GON4L: variants seen among roughly 807,000 people sequenced by gnomAD.
GON4L encodes GON-4-like protein.
A neutral mutation model predicts 211.8 loss-of-function variants in GON4L; 87 were observed. The ratio of observed to expected loss-of-function variants is 0.41; its 90% CI spans 0.35 to 0.49. The LOEUF (loss-of-function observed/expected upper bound fraction) is 0.49. Ranked by LOEUF, GON4L falls within the 20% of genes least tolerant of loss-of-function variation. The probability of loss-of-function intolerance (pLI) is 0.15; values close to 1 mark genes in which losing one functional copy is unlikely to be tolerated. For missense variants in GON4L, 2,155 were observed against 2,659.5 expected, an observed-to-expected ratio of 0.81 and a Z score of 4.17; for synonymous variants, 875 against 962.6, an observed-to-expected ratio of 0.91 and a Z score of 1.68.
At chr1:155,772,785 C>A (rs1405148353) in intron 18 of GON4L, among the ~76,000 whole-genome samples, 1 of 151,940 alleles carries the variant, frequency 6.6e-6, no homozygotes, top group African/African-American at 2.4e-5. Flanking sequence ...TAAAAGCGAA[C>A]CTCCTGCCTT....
At chr1:155,858,352 T>A (rs1241434780), upstream of GON4L, among the ~76,000 whole-genome samples, 4 of 152,236 alleles carry the variant, frequency 2.6e-5, no homozygotes, top group Admixed American at 6.5e-5. Flanking sequence ...TTTATACATT[T>A]GAACTAATCC....
chr1:155,765,141 A>G lies in GON4L; in HGVS notation c.4332T>C (p.Thr1444=), dbSNP rs979710825. The G allele has an allele frequency of 3.1e-6, 5 of 1,614,118 alleles. No individual in the cohort carries two copies. The highest frequency in any genetic ancestry group is 4.2e-6 in the Non-Finnish European group (5 of 1,180,020). ...CTCCTCCAGTTTCTGGCCCAACTGG[A>G]GTCCCCACTGACTGACCATCAACAC... ...SSSVDGQSVG[T]PVGPETGGEK... The change falls in exon 21 of 32, where the codon ACT becomes ACC. Residue 1444 remains threonine, a synonymous_variant. Coordinates refer to ENST00000368331, the MANE Select transcript of GON4L (RefSeq NM_001282860.2).
Position 155,765,173 on chromosome 1 carries a change from A to T in GON4L, c.4300T>A (p.Ser1434Thr). 2 of 1,614,208 alleles carry T rather than the reference A, an allele frequency of 1.2e-6. No homozygotes were observed. Among genetic ancestry groups the T allele is most frequent in the Non-Finnish European group, 1.7e-6 (2 of 1,180,036 alleles). Residue 1434 changes from serine to threonine, a missense_variant, in exon 21 of 32, where the codon TCA becomes ACA. Ser to Thr is a moderately conservative substitution (Grantham distance 58). Around this residue, in one of 6 missense-constraint regions of GON4L, gnomAD observed 615 missense variants for 625.7 expected, o/e 0.98. Transcript: ENST00000368331. ...LSSPPGKPED[S>T]SSVDGQSVGT... ...ACTGACTGACCATCAACACTGGATG[A>T]ATCTTCTGGCTTCCCTGGGGGGCTA...
At chr1:155,814,569 A>T in intron 8 of GON4L, 120 bp from the exon 9 acceptor site, 2 of 1,056,668 alleles carry the variant, frequency 1.9e-6, no homozygotes, top group Non-Finnish European at 2.9e-6. Flanking sequence ...AACATGGTGA[A>T]CACCCGTCTC....
At chr1:155,831,411 C>T (rs1462730024) in intron 2 of GON4L, 1 of 151,934 alleles carries the variant, frequency 6.6e-6, no homozygotes, top group Non-Finnish European at 1.5e-5. Context: ...TATTGTGCTA[C>T]TGCACTCTAG....
chr1:155,827,824 G>A (rs749237158), intron 2 of GON4L, among the ~76,000 whole-genome samples: 39 of 151,784 alleles, frequency 2.6e-4, no homozygotes, highest in African/African-American at 6.1e-4. Flanking sequence ...GCAACATATC[G>A]AGGCTTTGTC....
intron 19 of GON4L, among the ~76,000 whole-genome samples, chr1:155,767,908 G>A (rs1387116004): frequency 6.6e-6 from 1 of 152,080 alleles, no homozygotes; most frequent in East Asian, 1.9e-4. Flanking sequence ...AGACAACATC[G>A]TAATCTATAC....
chr1:155,766,101 T>A lies in GON4L; in HGVS notation c.3372A>T (p.Gly1124=). The A allele has an allele frequency of 6.2e-7, 1 of 1,614,116 alleles. No individual in the cohort carries two copies. Among genetic ancestry groups the A allele is most frequent in the East Asian group, 2.2e-5 (1 of 44,872 alleles). The change falls in exon 21 of 32, where the codon GGA becomes GGT. Residue 1124 remains glycine, a synonymous_variant. Transcript: ENST00000368331. ...YVRRRPSKRR[G]VKASPCMKPA... ...GTTTCATACAGGGAGAGGCCTTGAC[T>A]CCTCTTCTCTTTGAGGGTCTCCGTC...
chr1:155,850,912 C>T (rs1286887356), intron 2 of GON4L, among the ~76,000 whole-genome samples: 3 of 150,782 alleles, frequency 2.0e-5, no homozygotes, highest in Non-Finnish European at 2.9e-5. Flanking sequence ...AAAAAATTAG[C>T]TGAGCGTGGC....
intron 11 of GON4L, among the ~76,000 whole-genome samples, chr1:155,799,199 C>T (rs1346956350): frequency 1.3e-5 from 2 of 152,184 alleles, no homozygotes; most frequent in Non-Finnish European, 2.9e-5. Flanking sequence ...CTTTAGGAGG[C>T]CAAGGCGGGC....
At chr1:155,775,455 A>C (rs930464521) in intron 16 of GON4L, among the ~76,000 whole-genome samples, 1 of 144,954 alleles carries the variant, frequency 6.9e-6, no homozygotes, top group African/African-American at 2.6e-5. Context: ...ATGAGGACTC[A>C]TTTTTTTTTT....
At chr1:155,814,838 G>A (rs1287710246) in intron 8 of GON4L, among the ~76,000 whole-genome samples, 1 of 152,052 alleles carries the variant, frequency 6.6e-6, no homozygotes, top group Non-Finnish European at 1.5e-5. Context: ...GCCAGGTGCA[G>A]TCAGTGTCTT....
chr1:155,842,968 T>C (rs1670916645), intron 2 of GON4L, among the ~76,000 whole-genome samples: 2 of 152,164 alleles, frequency 1.3e-5, no homozygotes, highest in African/African-American at 4.8e-5. Flanking sequence ...AATCACTAGC[T>C]AGGTACACCT....
chr1:155,789,775 C>T (rs1665336360), intron 12 of GON4L, among the ~76,000 whole-genome samples: 1 of 151,904 alleles, frequency 6.6e-6, no homozygotes, highest in Non-Finnish European at 1.5e-5. Flanking sequence ...TCTCCTGGAA[C>T]CATTTCGTAT....
chr1:155,836,600 A>G (rs1670344135), intron 2 of GON4L, among the ~76,000 whole-genome samples: 1 of 151,728 alleles, frequency 6.6e-6, no homozygotes, highest in South Asian at 2.1e-4. Flanking sequence ...CTCTCCCTTT[A>G]CCTTTTCAAA....
chr1:155,823,346 T>C (rs929382844), intron 3 of GON4L, among the ~76,000 whole-genome samples: 1 of 152,150 alleles, frequency 6.6e-6, no homozygotes, highest in South Asian at 2.1e-4. Context: ...TTAATAGAGA[T>C]AGGAAAAAGC....
rs536637849 is a variant in GON4L, at chr1:155,784,017, G to A, written c.1861C>T (p.Arg621Cys). Residue 621 changes from arginine to cysteine, a missense_variant, in exon 14 of 32, where the codon CGT becomes TGT. Transcript: ENST00000368331. ...GCTTGAGGGGTGTTAAAGTTAGGAC[G>A]AGGCTCAGCTACACACTCCTCCTCT... is the stretch of plus-strand genomic sequence containing the variant. ...PEEEECVAEP[R>C]PNFNTPQALR... 7 of 1,613,864 alleles carry A rather than the reference G, an allele frequency of 4.3e-6. No homozygotes were observed. The highest frequency in any genetic ancestry group is 5.1e-6 in the Non-Finnish European group (6 of 1,179,914).
Position 155,828,942 on chromosome 1 carries a change from C to A in GON4L, c.506-1914G>T, listed in dbSNP as rs938017684. 5.3e-5 allele frequency among the ~76,000 whole-genome samples: 8 copies of A among 151,956 alleles called. No individual in the cohort carries two copies. In the East Asian group the frequency reaches 1.5e-3, roughly 29 times the overall value. On this transcript the variant is annotated intron_variant, in intron 2 of 31. Transcript: ENST00000368331. ...TTACCTGGGAAGAGGACTTGGGGAG[C>A]AAGAGTACAAAGTGAAAGGATGCCT...
At chr1:155,775,455 A>AT (rs575154449) in intron 16 of GON4L, among the ~76,000 whole-genome samples, 9 of 144,994 alleles carry the variant, frequency 6.2e-5, no homozygotes, top group African/African-American at 2.3e-4. Context: ...ATGAGGACTC[A>AT]TTTTTTTTTT....
Sources: allele counts gnomAD v4.1 joint callset (sites outside exome capture counted in the v4.1 genomes callset), GRCh38; gene constraint gnomAD v4.1.1; regional missense constraint gnomAD v4.1.1; transcripts MANE v1.5; gene names NCBI Gene and HGNC (gene_info 2026-07-23, HGNC 2026-07-21).